Variants in WDFY4 observed in about 807,000 individuals in gnomAD.
WDFY4 encodes the protein WDFY family member 4.
In WDFY4, 169 loss-of-function variants were observed where a neutral mutation model predicts 351.9. That is an observed-to-expected ratio of 0.48 (90% CI 0.42 to 0.55). WDFY4 has a LOEUF of 0.55. Ranked by LOEUF, WDFY4 falls within the 20% of genes least tolerant of loss-of-function variation. WDFY4 has a pLI of 0.00. For missense variants in WDFY4, 3,803 were observed against 3,935.6 expected (o/e 0.97, Z 0.90); for synonymous variants, 1,622 against 1,574.6 (o/e 1.03, Z -0.71).
At chr10:48,954,748 A>G (rs750773510) in intron 51 of WDFY4, among the ~76,000 whole-genome samples, 1 of 152,224 alleles carries the variant, frequency 6.6e-6, no homozygotes, top group Non-Finnish European at 1.5e-5. Flanking sequence ...TGTATTGCAG[A>G]AGTGAGAAGA....
At position 48,769,238 on chromosome 10, in the gene WDFY4, G is replaced by T. The variant is rs189611589; in HGVS notation, c.2554-5220G>T. On this transcript the variant is annotated intron_variant, in intron 13 of 61. Coordinates refer to ENST00000325239, the MANE Select transcript of WDFY4 (RefSeq NM_001394531.1). ...TTGGAATCTCTTACACCTAAACCAC[G>T]ATCATAAACTCCCAAGCCTACCAGG... Among the ~76,000 whole-genome samples the T allele has an allele frequency of 9.2e-5, 14 of 152,192 alleles. No homozygotes were observed. In the East Asian group the frequency reaches 1.7e-3, roughly 19 times the overall value.
intron 1 of WDFY4, among the ~76,000 whole-genome samples, chr10:48,699,433 G>A (rs80154848): frequency 2.0e-5 from 3 of 152,106 alleles, no homozygotes; most frequent in Non-Finnish European, 4.4e-5. Context: ...ATACATCACC[G>A]ATGTGGGCAA....
chr10:48,873,800 T>A, intron 41 of WDFY4, 103 bp downstream of exon 41: 1 of 1,298,514 alleles, frequency 7.7e-7, no homozygotes, highest in Non-Finnish European at 1.1e-6. Context: ...CAGGCTAAGA[T>A]AACACATGCA....
chr10:48,963,961 C>T lies in WDFY4; in HGVS notation c.8343C>T (p.Tyr2781=), dbSNP rs534203364. ...TTAATATCTTCCACCCCTACTTCTA[C>T]GGTGACAGAATGGACCTCAGCAGCA... is the stretch of plus-strand genomic sequence containing the variant. The part of the protein sequence containing the change: ...DAVNIFHPYF[Y]GDRMDLSSIT... Residue 2781 remains tyrosine, a synonymous_variant, in exon 54 of 62, where the codon TAC becomes TAT. Coordinates refer to ENST00000325239, the MANE Select transcript of WDFY4 (RefSeq NM_001394531.1). 3.6e-5 allele frequency: 56 copies of T among 1,551,148 alleles called. No individual in the cohort carries two copies. Among genetic ancestry groups the T allele is most frequent in the African/African-American group, 2.1e-4 (15 of 73,118 alleles).
chr10:48,784,944 G>A (rs912877623), intron 19 of WDFY4, among the ~76,000 whole-genome samples: 20 of 142,270 alleles, frequency 1.4e-4, no homozygotes, highest in African/African-American at 2.9e-4. Flanking sequence ...TATAAGCTCC[G>A]CCTCCTGGGT....
At chr10:48,876,456 A>G (rs1427169929) in intron 42 of WDFY4, among the ~76,000 whole-genome samples, 2 of 152,226 alleles carry the variant, frequency 1.3e-5, no homozygotes, top group African/African-American at 2.4e-5. Flanking sequence ...AGTATCTCCA[A>G]CCAAGATGGG....
intron 44 of WDFY4, among the ~76,000 whole-genome samples, chr10:48,896,902 C>A (rs1446057308): frequency 6.6e-6 from 1 of 152,160 alleles, no homozygotes; most frequent in Non-Finnish European, 1.5e-5. Flanking sequence ...AACACCTGGG[C>A]AGAGGGACTA....
At chr10:48,864,625 T>A (rs570150678) in intron 39 of WDFY4, among the ~76,000 whole-genome samples, 1 of 152,328 alleles carries the variant, frequency 6.6e-6, no homozygotes, top group East Asian at 1.9e-4. Context: ...AAAAGAGTGA[T>A]CATTGGAATT....
chr10:48,781,158 G>C (rs564612737), intron 19 of WDFY4, among the ~76,000 whole-genome samples: 2 of 152,046 alleles, frequency 1.3e-5, no homozygotes, highest in East Asian at 3.9e-4. Context: ...ACACATATAG[G>C]TGAATTTGAT....
At chr10:48,690,310 G>C (rs2063159265) in intron 1 of WDFY4, among the ~76,000 whole-genome samples, 1 of 152,198 alleles carries the variant, frequency 6.6e-6, no homozygotes, top group African/African-American at 2.4e-5. Flanking sequence ...ACATGTTTAT[G>C]ATATGATGGA....
intron 1 of WDFY4, among the ~76,000 whole-genome samples, chr10:48,687,611 C>CT (rs57413418): frequency 0.2 from 20,123 of 101,250 alleles, 2,819 homozygotes; most frequent in Non-Finnish European, 0.27. Context: ...ATAGGCCATT[C>CT]TTTTTTTTTT....
chr10:48,862,378 C>T (rs1329143452), intron 39 of WDFY4, among the ~76,000 whole-genome samples: 1 of 152,092 alleles, frequency 6.6e-6, no homozygotes, highest in African/African-American at 2.4e-5. Context: ...GGCCATGGAC[C>T]CGGTATCTGA....
intron 39 of WDFY4, among the ~76,000 whole-genome samples, chr10:48,836,707 C>T (rs917468378): frequency 6.6e-6 from 1 of 152,220 alleles, no homozygotes; most frequent in Non-Finnish European, 1.5e-5. Context: ...CCATCACAGT[C>T]CCCTGTGGGA....
At chr10:48,918,521 C>T (rs1323907705) in intron 47 of WDFY4, among the ~76,000 whole-genome samples, 1 of 151,728 alleles carries the variant, frequency 6.6e-6, no homozygotes, top group African/African-American at 2.4e-5. Flanking sequence ...ACCAATAGGA[C>T]AAAAAAATCC....
chr10:48,707,033 C>G (rs1022980750), intron 1 of WDFY4, among the ~76,000 whole-genome samples: 7 of 152,050 alleles, frequency 4.6e-5, no homozygotes, highest in Non-Finnish European at 7.4e-5. Context: ...ATTTTCAAAA[C>G]TAACAAAGGA....
At position 48,774,616 on chromosome 10, in the gene WDFY4, C is replaced by T; in HGVS notation, c.2712C>T (p.Arg904=). The change falls in exon 14 of 62, where the codon CGC becomes CGT. Residue 904 remains arginine (R), a synonymous_variant. Transcript: ENST00000325239. Reference sequence around the variant, plus strand: ...CCAGTGGCAGCCCCCTCCACTCACGCCTCATCAGGATCTTTGAGAAGCTCG... The same window carrying T: ...CCAGTGGCAGCCCCCTCCACTCACGTCTCATCAGGATCTTTGAGAAGCTCG... ...LVTSGSPLHS[R]LIRIFEKLAS... 6 of 1,551,744 alleles carry T rather than the reference C, an allele frequency of 3.9e-6. No individual in the cohort carries two copies. Among genetic ancestry groups the T allele is most frequent in the South Asian group, 1.2e-5 (1 of 84,062 alleles).
chr10:48,758,227 C>T (rs1374115631), intron 12 of WDFY4, among the ~76,000 whole-genome samples: 1 of 152,106 alleles, frequency 6.6e-6, no homozygotes, highest in Admixed American at 6.6e-5. Context: ...TTTTGTAGCA[C>T]TTTAAAAATG....
intron 1 of WDFY4, among the ~76,000 whole-genome samples, chr10:48,685,480 G>T (rs2063018282): frequency 6.6e-6 from 1 of 152,188 alleles, no homozygotes; most frequent in Admixed American, 6.5e-5. Context: ...TTTCCAACGG[G>T]CCTCAGAGGG....
At chr10:48,758,215 A>T (rs2065393062) in intron 12 of WDFY4, among the ~76,000 whole-genome samples, 1 of 152,108 alleles carries the variant, frequency 6.6e-6, no homozygotes, top group Non-Finnish European at 1.5e-5. Flanking sequence ...TTCTGTGTGT[A>T]TTTTTGTAGC....
Sources: allele counts gnomAD v4.1 joint callset (sites outside exome capture counted in the v4.1 genomes callset), GRCh38; gene constraint gnomAD v4.1.1; transcripts MANE v1.5; gene names NCBI Gene and HGNC (gene_info 2026-07-23, HGNC 2026-07-21).